Variants in GYG2 observed in about 807,000 individuals in gnomAD.
The protein encoded by GYG2 is glycogenin-2.
Under a neutral mutation model 29.4 loss-of-function variants are expected in GYG2, and 29 were observed. That is an observed-to-expected ratio of 0.99 (90% CI 0.74 to 1.35). GYG2 has a LOEUF of 1.35. Ranked by LOEUF, GYG2 falls within the 40% of genes most tolerant of loss-of-function variation. The pLI is 0.00. For synonymous variants in GYG2, 167 were observed against 172.3 expected, an observed-to-expected ratio of 0.97 and a Z score of 0.24; for missense variants, 370 against 385.7, an observed-to-expected ratio of 0.96 and a Z score of 0.34.
At chrX:2,840,604 G>T (rs1263412708) in intron 2 of GYG2, among the ~76,000 whole-genome samples, 1 of 111,406 alleles carries the variant, frequency 9.0e-6, no homozygotes, top group East Asian at 2.8e-4. Flanking sequence ...ATAGACTGTA[G>T]GTAGATAGGT....
At chrX:2,867,982 G>C (rs1302955603) in intron 8 of GYG2, among the ~76,000 whole-genome samples, 1 of 109,622 alleles carries the variant, frequency 9.1e-6, no homozygotes, top group Non-Finnish European at 1.9e-5. Context: ...TGTAATCCCA[G>C]CTACTCGGGA....
chrX:2,839,908 G>A (rs1392521890), intron 2 of GYG2, among the ~76,000 whole-genome samples: 2 of 112,520 alleles, frequency 1.8e-5, no homozygotes, highest in East Asian at 2.8e-4. Flanking sequence ...GAGTGACTGC[G>A]TAATGGGTAC....
Position 2,881,896 on chromosome X carries a change from C to T in GYG2, c.*683C>T, listed in dbSNP as rs2088728196. 9.0e-6 allele frequency: 1 copy of T among 111,032 alleles called. No individual in the cohort carries two copies. The highest frequency in any genetic ancestry group is 3.3e-5 in the African/African-American group (1 of 30,486). 9.2% of individuals were successfully genotyped at this position (111,032 alleles called of 1,213,427 possible). A position where few individuals can be genotyped will look rare whatever the true frequency, so the allele number is the denominator to read the frequency against. On this transcript the variant is annotated 3_prime_UTR_variant, in exon 11 of 11. Transcript: ENST00000398806. ...GTGGCTTAGAGGATCTAAACCGATT[C>T]ACTTCCTGGTTGAGAAGCAACGAGG...
At position 2,855,041 on chromosome X, in the gene GYG2, G is replaced by GC; in HGVS notation, c.377dup (p.Asp127GlyfsTer10). Reference sequence around the variant, plus strand: ...GTTTGACAGGGGAGAGTTTTCTGCGGCCCCGGACCCCGGATGGCCGGATTG... The same window carrying GC: ...GTTTGACAGGGGAGAGTTTTCTGCGGCCCCCGGACCCCGGATGGCCGGATTG... On this transcript the variant is annotated frameshift_variant, in exon 5 of 11. Coordinates refer to ENST00000398806, the MANE Select transcript of GYG2 (RefSeq NM_001079855.2). LOFTEE classifies it high-confidence loss of function. 4 of 1,211,534 alleles carry GC rather than the reference G, an allele frequency of 3.3e-6. No individual in the cohort carries two copies. Among genetic ancestry groups the GC allele is most frequent in the Non-Finnish European group, 4.5e-6 (4 of 895,068 alleles).
At chrX:2,877,379 A>T in intron 10 of GYG2, 72 bp downstream of exon 10, 2 of 1,169,749 alleles carry the variant, frequency 1.7e-6, no homozygotes, top group Non-Finnish European at 2.3e-6. Flanking sequence ...GGTCAACTGC[A>T]TGCACACAAC....
At position 2,877,963 on chromosome X, in the gene GYG2, A is replaced by G. The variant is rs1357541997; in HGVS notation, c.1251+656A>G. ...GAGTGTGACCTACTGTGTTGGCTAA[A>G]TGCCTTCCCTGGACAGTCACCCTTG... On this transcript the variant is annotated intron_variant, in intron 10 of 10. Transcript: ENST00000398806. 4 of 752,773 alleles carry G rather than the reference A, an allele frequency of 5.3e-6. No individual in the cohort carries two copies. In the South Asian group the frequency reaches 2.0e-4, roughly 38 times the overall value. 62.0% of individuals were successfully genotyped at this position (752,773 alleles called of 1,213,427 possible). A position where few individuals can be genotyped will look rare whatever the true frequency, so the allele number is the denominator to read the frequency against.
rs211659 is a variant in GYG2, at chrX:2,881,438, A to T, written c.*225A>T. On this transcript the variant is annotated 3_prime_UTR_variant, in exon 11 of 11. Transcript: ENST00000398806. ...CACCAACGCCTTCTGGGCTTTCTTC[A>T]GAGGTCACTTCTACCCTTGAAGCTG... The T allele has an allele frequency of 0.085, 29,728 of 350,916 alleles. 1,725 individuals are homozygous for T. Among genetic ancestry groups the T allele is most frequent in the East Asian group, 0.28 (5,590 of 20,266 alleles). The allele number at this position is 350,916 out of a possible 1,213,427, so 28.9% of individuals were successfully genotyped here. A position where few individuals can be genotyped will look rare whatever the true frequency, so the allele number is the denominator to read the frequency against.
chrX:2,856,417 G>A, intron 5 of GYG2, 81 bp from the exon 6 acceptor site: 7 of 898,187 alleles, frequency 7.8e-6, no homozygotes, highest in Non-Finnish European at 1.1e-5. Context: ...TTTATGTTGA[G>A]AGCTTCAGGC....
intron 2 of GYG2, among the ~76,000 whole-genome samples, chrX:2,830,490 G>A (rs2087240249): frequency 8.9e-6 from 1 of 112,240 alleles, no homozygotes; most frequent in Admixed American, 9.4e-5. Context: ...GAATAGCATT[G>A]AACTGCCTGA....
Position 2,844,525 on chromosome X carries a change from C to T in GYG2, c.149+1171C>T, listed in dbSNP as rs1326379981. On this transcript the variant is annotated intron_variant, in intron 3 of 10. Transcript: ENST00000398806. ...GCGTATATATGTGTATACGCACACGCATGCGTATATATGTGTATACGCACA... is the reference window on the plus strand; with the variant it reads ...GCGTATATATGTGTATACGCACACGTATGCGTATATATGTGTATACGCACA... Among the ~76,000 whole-genome samples the T allele has an allele frequency of 3.1e-4, 25 of 80,087 alleles. 3 individuals carry two copies. In the East Asian group the frequency reaches 4.0e-3, roughly 13 times the overall value. The allele number at this position is 80,087 out of a possible 115,157, so 69.5% of individuals were successfully genotyped here. A position where few individuals can be genotyped will look rare whatever the true frequency, so the allele number is the denominator to read the frequency against.
At position 2,854,044 on chromosome X, in the gene GYG2, A is replaced by G. The variant is rs375727020; in HGVS notation, c.214A>G (p.Ile72Val). Residue 72 changes from isoleucine (I) to valine (V), a missense_variant, in exon 4 of 11, where the codon ATC (isoleucine) becomes GTC (valine). Coordinates refer to ENST00000398806, the MANE Select transcript of GYG2 (RefSeq NM_001079855.2). ...EVNLIDSADY[I>V]HLAFLKRPEL... ...GAATCTAATCGATAGTGCCGACTACATCCACCTGGCCTTTCTGAAGAGACC... is the reference window on the plus strand; with the variant it reads ...GAATCTAATCGATAGTGCCGACTACGTCCACCTGGCCTTTCTGAAGAGACC... 18 of 1,195,461 alleles carry G rather than the reference A, an allele frequency of 1.5e-5. No individual in the cohort carries two copies. Among genetic ancestry groups the G allele is most frequent in the Middle Eastern group, 2.3e-4 (1 of 4,343 alleles).
chrX:2,878,661 G>A (rs1041174569), intron 10 of GYG2, among the ~76,000 whole-genome samples: 2 of 111,877 alleles, frequency 1.8e-5, no homozygotes, highest in Non-Finnish European at 3.8e-5. Flanking sequence ...AAGGAGAGTG[G>A]TATAGGGAAA....
chrX:2,873,494 C>G (rs1172712367), intron 8 of GYG2, among the ~76,000 whole-genome samples: 1 of 110,866 alleles, frequency 9.0e-6, no homozygotes, highest in Non-Finnish European at 1.9e-5. Flanking sequence ...TTTTCATCAC[C>G]TCGCATAAAT....
Position 2,861,719 on chromosome X carries a change from A to C in GYG2, c.1035A>C (p.Glu345Asp), listed in dbSNP as rs1446996465. The C allele has an allele frequency of 8.6e-7, 1 of 1,163,466 alleles. No homozygotes were observed. The highest frequency in any genetic ancestry group is 1.2e-6 in the Non-Finnish European group (1 of 861,553). The change falls in exon 8 of 11, where the codon GAA becomes GAC. Residue 345 changes from glutamate (E) to aspartate (D), a missense_variant. By Grantham distance (45) the Glu-to-Asp change is conservative. Transcript: ENST00000398806. ...CCCTACCTGAAGGACGCCGTTCAGA[A>C]GATGTAAGTACCTGCATTCCTCACA... ...TLSLPEGRRS[E>D]DMIACPETET...
Position 2,881,057 on chromosome X carries a change from C to T in GYG2, c.1257C>T (p.Asp419=). 5 of 1,209,851 alleles carry T rather than the reference C, an allele frequency of 4.1e-6. No individual in the cohort carries two copies. Among genetic ancestry groups the T allele is most frequent in the Non-Finnish European group, 5.6e-6 (5 of 894,357 alleles). The change falls in exon 11 of 11, where the codon GAC becomes GAT. Residue 419 remains aspartate, a synonymous_variant. Coordinates refer to ENST00000398806, the MANE Select transcript of GYG2 (RefSeq NM_001079855.2). The part of the protein sequence containing the change: ...DPSLQDALEV[D]LAVSVSQISI... ...CCACTGACTGTCTTCCCTAGGTCGA[C>T]CTGGCCGTCTCTGTTTCCCAGATCT...
At chrX:2,859,803 A>G (rs2088112485) in intron 6 of GYG2, 40 bp from the exon 7 acceptor site, 1 of 948,997 alleles carries the variant, frequency 1.1e-6, no homozygotes, top group African/African-American at 1.9e-5. Context: ...CTTTTATCAC[A>G]TCTGAGTGGA....
chrX:2,850,061 G>A (rs1001873008), intron 3 of GYG2, among the ~76,000 whole-genome samples: 1 of 111,107 alleles, frequency 9.0e-6, no homozygotes, highest in Non-Finnish European at 1.9e-5. Flanking sequence ...AAGCTGCAGT[G>A]AGCTATGATT....
chrX:2,836,057 G>A (rs1271744958), intron 2 of GYG2, among the ~76,000 whole-genome samples: 1 of 111,118 alleles, frequency 9.0e-6, no homozygotes, highest in African/African-American at 3.3e-5. Flanking sequence ...GGGAGTGGTA[G>A]TAGCCCCATG....
intron 10 of GYG2, chrX:2,877,837 A>G: frequency 1.3e-6 from 1 of 750,887 alleles, no homozygotes; most frequent in Non-Finnish European, 1.6e-6. Flanking sequence ...TTGCTCTTTA[A>G]GCATGATCTA....
Sources: allele counts gnomAD v4.1 joint callset (sites outside exome capture counted in the v4.1 genomes callset), GRCh38; gene constraint gnomAD v4.1.1; transcripts MANE v1.5; gene names NCBI Gene and HGNC (gene_info 2026-07-23, HGNC 2026-07-21).